The following CAMSAP2 variants were observed in gnomAD, a reference collection of about 807,000 sequenced individuals.
The protein encoded by CAMSAP2 is calmodulin-regulated spectrin-associated protein 2.
CAMSAP2 carries 26 observed loss-of-function variants against 146.1 expected under a neutral mutation model. The observed-to-expected ratio is 0.18, with a 90% CI of 0.13 to 0.25. The LOEUF (loss-of-function observed/expected upper bound fraction) is 0.25. Ranked by LOEUF, CAMSAP2 falls within the 10% of genes least tolerant of loss-of-function variation. The pLI is 1.00. For missense variants in CAMSAP2, 1,381 were observed against 1,759.3 expected, an observed-to-expected ratio of 0.78 and a Z score of 3.85; for synonymous variants, 499 against 596.6, an observed-to-expected ratio of 0.84 and a Z score of 2.38.
intron 2 of CAMSAP2, among the ~76,000 whole-genome samples, chr1:200,800,653 G>A (rs1214121393): frequency 3.3e-5 from 5 of 152,174 alleles, no homozygotes; most frequent in Admixed American, 6.5e-5. Context: ...GGGGCATTTA[G>A]CCCATTTACA....
At chr1:200,825,752 C>A (rs529338493) in intron 4 of CAMSAP2, among the ~76,000 whole-genome samples, 1 of 152,094 alleles carries the variant, frequency 6.6e-6, no homozygotes. Flanking sequence ...GTGATCTACC[C>A]GCCTTGGCCT....
intron 4 of CAMSAP2, among the ~76,000 whole-genome samples, chr1:200,830,391 A>G (rs1667012714): frequency 6.6e-6 from 1 of 152,238 alleles, no homozygotes; most frequent in African/African-American, 2.4e-5. Flanking sequence ...AGGGAGTAGA[A>G]CAAATCACAT....
intron 2 of CAMSAP2, among the ~76,000 whole-genome samples, chr1:200,776,374 T>G (rs1286446595): frequency 1.3e-5 from 2 of 152,222 alleles, no homozygotes; most frequent in Admixed American, 6.5e-5. Context: ...AAAAGGGCTG[T>G]TTTTGTCCTG....
At chr1:200,759,832 G>A (rs1006982730) in intron 1 of CAMSAP2, among the ~76,000 whole-genome samples, 1 of 152,174 alleles carries the variant, frequency 6.6e-6, no homozygotes, top group Non-Finnish European at 1.5e-5. Flanking sequence ...GTCCTGCTTC[G>A]ATGAGAGGTA....
chr1:200,856,216 T>G (rs1444180601), intron 15 of CAMSAP2, 91 bp downstream of exon 15: 2 of 884,720 alleles, frequency 2.3e-6, no homozygotes, highest in Admixed American at 2.1e-5. Context: ...GGCTCACCTT[T>G]GGGTCTTAAA....
intron 7 of CAMSAP2, among the ~76,000 whole-genome samples, 178 bp downstream of exon 7, chr1:200,842,265 A>AG (rs1303814028): frequency 6.6e-6 from 1 of 152,182 alleles, no homozygotes; most frequent in Non-Finnish European, 1.5e-5. Context: ...GAAAAAGAAA[A>AG]TGGAGGGAAT....
chr1:200,829,769 A>T (rs923637556), intron 4 of CAMSAP2, among the ~76,000 whole-genome samples: 1 of 152,118 alleles, frequency 6.6e-6, no homozygotes, highest in African/African-American at 2.4e-5. Flanking sequence ...TCTACAAAAA[A>T]TAGAAAAATG....
chr1:200,815,989 A>C (rs1029647780), intron 4 of CAMSAP2, among the ~76,000 whole-genome samples: 4 of 152,244 alleles, frequency 2.6e-5, no homozygotes, highest in Non-Finnish European at 4.4e-5. Flanking sequence ...CAAGACCAAC[A>C]TTTAAAACAA....
chr1:200,777,115 A>C (rs763344268), intron 2 of CAMSAP2, among the ~76,000 whole-genome samples: 1 of 152,174 alleles, frequency 6.6e-6, no homozygotes, highest in Non-Finnish European at 1.5e-5. Context: ...GCTCATCAAC[A>C]CTGCAGCCAT....
At chr1:200,819,721 T>C (rs1176354965) in intron 4 of CAMSAP2, among the ~76,000 whole-genome samples, 2 of 152,190 alleles carry the variant, frequency 1.3e-5, no homozygotes, top group Non-Finnish European at 2.9e-5. Context: ...CTCGATATGT[T>C]AGTAAACATG....
intron 2 of CAMSAP2, among the ~76,000 whole-genome samples, chr1:200,790,511 A>G (rs1321474280): frequency 6.6e-6 from 1 of 152,186 alleles, no homozygotes; most frequent in Admixed American, 6.5e-5. Context: ...TTCATCAGTT[A>G]CAGTTTAGTT....
intron 8 of CAMSAP2, among the ~76,000 whole-genome samples, 182 bp downstream of exon 8, chr1:200,845,051 G>A (rs1169681340): frequency 1.3e-5 from 2 of 152,056 alleles, no homozygotes; most frequent in African/African-American, 4.8e-5. Context: ...ACACTGAAAT[G>A]AATGTTTATG....
intron 2 of CAMSAP2, among the ~76,000 whole-genome samples, chr1:200,767,363 A>G (rs924782028): frequency 4.8e-5 from 7 of 145,748 alleles, no homozygotes; most frequent in African/African-American, 1.7e-4. Flanking sequence ...CTCCATCTCA[A>G]AAAAAAAAAA....
intron 2 of CAMSAP2, among the ~76,000 whole-genome samples, chr1:200,769,712 A>G (rs1477830754): frequency 6.6e-6 from 1 of 152,228 alleles, no homozygotes; most frequent in Middle Eastern, 3.2e-3. Flanking sequence ...GTTTAGGGCA[A>G]GGTATGGGAG....
chr1:200,826,200 G>A (rs1343870567), intron 4 of CAMSAP2, among the ~76,000 whole-genome samples: 1 of 152,094 alleles, frequency 6.6e-6, no homozygotes, highest in African/African-American at 2.4e-5. Flanking sequence ...GGAGGCCTAG[G>A]TGGGAGGTTC....
chr1:200,834,455 A>T (rs922519603), intron 6 of CAMSAP2, among the ~76,000 whole-genome samples: 3 of 152,160 alleles, frequency 2.0e-5, no homozygotes, highest in Non-Finnish European at 4.4e-5. Context: ...TTGTGTTATG[A>T]ATACTGTTAT....
At chr1:200,798,704 G>A (rs1263337052) in intron 2 of CAMSAP2, among the ~76,000 whole-genome samples, 10 of 139,400 alleles carry the variant, frequency 7.2e-5, no homozygotes, top group South Asian at 2.5e-4. Flanking sequence ...CCAACACTAT[G>A]TTGAATAGGA....
chr1:200,746,764 G>A (rs957975194), intron 1 of CAMSAP2, among the ~76,000 whole-genome samples: 2 of 151,480 alleles, frequency 1.3e-5, no homozygotes, highest in Non-Finnish European at 2.9e-5. Flanking sequence ...GACTACAGGA[G>A]CCCACCACCA....
In CAMSAP2 at chr1:200,851,138, GA is replaced by G. The variant is rs1169648166; in HGVS notation, c.3465+905del. On this transcript the variant is annotated intron_variant, in intron 11 of 16. Transcript: ENST00000358823. ...CCCGGAGTTTTCAACTGTTTTGTAT[GA>G]TTTGCTTTGTCTCTTAGACCATGAC... Among the ~76,000 whole-genome samples, 14 of 152,188 alleles carry G rather than the reference GA, an allele frequency of 9.2e-5. No homozygotes were observed. The East Asian group carries it at 2.7e-3, about 29-fold the overall frequency.
Sources: gnomAD v4.1 joint callset for allele counts (sites outside exome capture counted in the v4.1 genomes callset) on GRCh38, gnomAD v4.1.1 for gene constraint, MANE v1.5 for transcripts, NCBI Gene and HGNC (gene_info 2026-07-23, HGNC 2026-07-21) for gene names.